Variants in CDH13 observed in about 807,000 individuals in gnomAD.
CDH13 encodes the protein cadherin 13.
CDH13 carries 24 observed loss-of-function variants against 63.8 expected under a neutral mutation model. That is an observed-to-expected ratio of 0.38 (90% confidence interval 0.27 to 0.53). The LOEUF is 0.53. Ranked by LOEUF, CDH13 falls within the 20% of genes least tolerant of loss-of-function variation. The pLI, the probability that CDH13 is intolerant of heterozygous loss-of-function variation, is 0.85. For missense variants in CDH13, 1,049 were observed against 903.1 expected, an observed-to-expected ratio of 1.16 and a Z score of -2.07; for synonymous variants, 503 against 355.3, an observed-to-expected ratio of 1.42 and a Z score of -4.67.
rs559821600 is a variant in CDH13, at chr16:83,737,010, G to C, written c.1539-11098G>C. On this transcript the variant is annotated intron_variant, in intron 10 of 13. Transcript: ENST00000567109. ...TTGCCAGGGAAGGCTCGGTGCACGTGGGGCTCACACACAAAGGAAGAGGTT... is the reference window on the plus strand; with the variant it reads ...TTGCCAGGGAAGGCTCGGTGCACGTCGGGCTCACACACAAAGGAAGAGGTT... 1.8e-3 allele frequency among the ~76,000 whole-genome samples: 280 copies of C among 152,274 alleles called. 1 individual carries two copies. Among genetic ancestry groups the C allele is most frequent in the Non-Finnish European group, 3.4e-3 (230 of 68,024 alleles).
intron 6 of CDH13, among the ~76,000 whole-genome samples, chr16:83,385,322 G>C (rs1282443871): frequency 6.6e-6 from 1 of 152,166 alleles, no homozygotes; most frequent in Non-Finnish European, 1.5e-5. Flanking sequence ...GGCATATTAT[G>C]ATTTGGATGC....
chr16:83,217,195 C>T, intron 4 of CDH13, 150 bp from the exon 5 acceptor site: 1 of 689,964 alleles, frequency 1.4e-6, no homozygotes, highest in Non-Finnish European at 2.5e-6. Context: ...GATGCTATTT[C>T]TGGTGCTGTT....
chr16:83,612,434 G>T (rs117383448), intron 8 of CDH13, among the ~76,000 whole-genome samples: 1,833 of 151,918 alleles, frequency 0.012, 19 homozygotes, highest in Admixed American at 0.02. Context: ...AGTGGTGTAT[G>T]TATGGGCTTT....
At chr16:82,962,846 T>C (rs1297672903) in intron 2 of CDH13, among the ~76,000 whole-genome samples, 4 of 152,194 alleles carry the variant, frequency 2.6e-5, no homozygotes. Context: ...CTTAAACTTT[T>C]AATAATTTCA....
chr16:83,717,405 C>G (rs1198475240), intron 10 of CDH13, among the ~76,000 whole-genome samples: 2 of 151,628 alleles, frequency 1.3e-5, no homozygotes, highest in African/African-American at 2.4e-5. Flanking sequence ...CTGAATCTGT[C>G]TGAACTGCCT....
At chr16:83,056,264 C>G (rs570137911) in intron 3 of CDH13, among the ~76,000 whole-genome samples, 3 of 152,220 alleles carry the variant, frequency 2.0e-5, no homozygotes, top group Non-Finnish European at 2.9e-5. Flanking sequence ...CACTGTAAAG[C>G]TGAACATTCT....
At chr16:82,914,832 G>T (rs1272234766) in intron 2 of CDH13, among the ~76,000 whole-genome samples, 1 of 152,144 alleles carries the variant, frequency 6.6e-6, no homozygotes, top group African/African-American at 2.4e-5. Context: ...TCATTAATCA[G>T]ACTCTCCAAA....
At chr16:82,880,163 G>T (rs1014937964) in intron 2 of CDH13, among the ~76,000 whole-genome samples, 5 of 151,862 alleles carry the variant, frequency 3.3e-5, no homozygotes, top group Non-Finnish European at 7.4e-5. Flanking sequence ...GTATATTTCA[G>T]TCTCTTTGTA....
chr16:82,914,320 T>G lies in CDH13; in HGVS notation c.157+55847T>G, dbSNP rs547832570. 2.6e-5 allele frequency among the ~76,000 whole-genome samples: 4 copies of G among 152,314 alleles called. No individual in the cohort carries two copies. In the South Asian group the frequency reaches 8.3e-4, roughly 32 times the overall value. Reference sequence around the variant, plus strand: ...GTCCTATAAACTATCATAACCCGTATAGTCTTCATAAAGATGCCTTCAAGG... The same window carrying G: ...GTCCTATAAACTATCATAACCCGTAGAGTCTTCATAAAGATGCCTTCAAGG... On this transcript the variant is annotated intron_variant, in intron 2 of 13. Transcript: ENST00000567109.
intron 7 of CDH13, among the ~76,000 whole-genome samples, chr16:83,559,168 A>C (rs890378902): frequency 4.6e-5 from 7 of 152,338 alleles, no homozygotes; most frequent in East Asian, 1.9e-4. Flanking sequence ...TGAAAAGTTA[A>C]GGAAGCAGTT....
intron 5 of CDH13, among the ~76,000 whole-genome samples, chr16:83,312,908 C>T (rs539451473): frequency 1.3e-5 from 2 of 152,186 alleles, no homozygotes; most frequent in Non-Finnish European, 2.9e-5. Context: ...GGCACCATAG[C>T]TGTGTTGCCT....
At chr16:83,667,824 A>T (rs914502678) in intron 8 of CDH13, among the ~76,000 whole-genome samples, 3 of 151,478 alleles carry the variant, frequency 2.0e-5, no homozygotes, top group African/African-American at 7.3e-5. Flanking sequence ...CACCTGGCTA[A>T]TTTTTTACAT....
chr16:83,793,927 G>A (rs1331077801), intron 13 of CDH13, among the ~76,000 whole-genome samples: 3 of 152,136 alleles, frequency 2.0e-5, no homozygotes, highest in East Asian at 1.9e-4. Context: ...TTATAAGAGG[G>A]ACAAAGGAAG....
chr16:83,405,539 T>C (rs1321365312), intron 6 of CDH13, among the ~76,000 whole-genome samples: 2 of 152,204 alleles, frequency 1.3e-5, no homozygotes, highest in African/African-American at 4.8e-5. Flanking sequence ...GGGAACCTCA[T>C]GTCACTAGAA....
At chr16:82,700,478 C>G (rs2030848871) in intron 1 of CDH13, among the ~76,000 whole-genome samples, 2 of 151,754 alleles carry the variant, frequency 1.3e-5, no homozygotes, top group African/African-American at 4.8e-5. Flanking sequence ...ATAATAAAGT[C>G]AAACTTTATT....
chr16:82,843,746 A>T lies in CDH13; in HGVS notation c.46-14616A>T, dbSNP rs993784138. Among the ~76,000 whole-genome samples, 4 of 152,236 alleles carry T rather than the reference A, an allele frequency of 2.6e-5. 1 individual carries two copies. Among genetic ancestry groups the T allele is most frequent in the Admixed American group, 1.3e-4 (2 of 15,290 alleles). On this transcript the variant is annotated intron_variant, in intron 1 of 13. Coordinates refer to ENST00000567109, the MANE Select transcript of CDH13 (RefSeq NM_001257.5). ...GTCTGGCAGAGAAGAAAGTGTTGAG[A>T]GCTGCACAGTTGGAATAAAATGTTC...
chr16:83,003,890 C>G (rs1018728982), intron 2 of CDH13, among the ~76,000 whole-genome samples: 1 of 152,170 alleles, frequency 6.6e-6, no homozygotes, highest in Non-Finnish European at 1.5e-5. Context: ...TCTGTCACTT[C>G]TTTTATATTC....
intron 7 of CDH13, among the ~76,000 whole-genome samples, chr16:83,569,485 C>A (rs902919316): frequency 1.3e-5 from 2 of 152,208 alleles, no homozygotes; most frequent in African/African-American, 4.8e-5. Context: ...GGAAACTATG[C>A]TTGAAATATA....
intron 1 of CDH13, among the ~76,000 whole-genome samples, chr16:82,694,387 A>G (rs185518930): frequency 6.6e-6 from 1 of 152,330 alleles, no homozygotes; most frequent in East Asian, 1.9e-4. Flanking sequence ...TCACTGCAAC[A>G]TTCAGCACTT....
Sources: gnomAD v4.1 joint callset for allele counts (sites outside exome capture counted in the v4.1 genomes callset) on GRCh38, gnomAD v4.1.1 for gene constraint, MANE v1.5 for transcripts, NCBI Gene and HGNC (gene_info 2026-07-23, HGNC 2026-07-21) for gene names.